ADCY5: variants seen among roughly 807,000 people sequenced by gnomAD.
ADCY5 encodes adenylate cyclase type 5.
A neutral mutation model predicts 119.7 loss-of-function variants in ADCY5; 30 were observed. That is an observed-to-expected ratio of 0.25 (90% CI 0.19 to 0.34). The LOEUF is 0.34. ADCY5 is among the 10% of genes least tolerant of loss of function. The pLI, the probability that ADCY5 is intolerant of heterozygous loss-of-function variation, is 1.00. For missense variants in ADCY5, 1,324 were observed against 1,775.2 expected (o/e 0.75, Z 4.57); for synonymous variants, 753 against 762.2 (o/e 0.99, Z 0.20).
At chr3:123,433,692 G>C (rs1945559971) in intron 1 of ADCY5, among the ~76,000 whole-genome samples, 1 of 152,070 alleles carries the variant, frequency 6.6e-6, no homozygotes, top group Non-Finnish European at 1.5e-5. Context: ...ACTCAACAGA[G>C]AGACCCCGGG....
chr3:123,425,870 C>T lies in ADCY5; in HGVS notation c.1134+21542G>A, dbSNP rs1945397016. 2.0e-5 allele frequency among the ~76,000 whole-genome samples: 3 copies of T among 152,210 alleles called. 1 individual carries two copies. In the South Asian group the frequency reaches 6.2e-4, roughly 32 times the overall value. On this transcript the variant is annotated intron_variant, in intron 1 of 20. Coordinates refer to ENST00000462833, the MANE Select transcript of ADCY5 (RefSeq NM_183357.3). ...GGCCAGGGGAGGGTAAAACCCATGA[C>T]CCAGGACCTAGCTCTTCTTCCACTT... is the stretch of plus-strand genomic sequence containing the variant.
intron 14 of ADCY5, among the ~76,000 whole-genome samples, chr3:123,301,264 G>C (rs1203108290): frequency 6.6e-6 from 1 of 152,146 alleles, no homozygotes; most frequent in Non-Finnish European, 1.5e-5. Flanking sequence ...TTCTGCCCTG[G>C]GCTGGGGCAG....
intron 1 of ADCY5, among the ~76,000 whole-genome samples, chr3:123,430,448 C>A (rs1945500579): frequency 2.6e-5 from 4 of 152,244 alleles, no homozygotes; most frequent in African/African-American, 9.6e-5. Context: ...GCACTGTCTG[C>A]CAGTGAAATC....
At chr3:123,384,550 C>A (rs1944153263) in intron 1 of ADCY5, among the ~76,000 whole-genome samples, 2 of 152,234 alleles carry the variant, frequency 1.3e-5, no homozygotes, top group South Asian at 2.1e-4. Flanking sequence ...GGAACTAGGA[C>A]TCAAAGCCAG....
chr3:123,351,368 C>T (rs1355774685), intron 2 of ADCY5, among the ~76,000 whole-genome samples: 1 of 152,342 alleles, frequency 6.6e-6, no homozygotes, highest in South Asian at 2.1e-4. Flanking sequence ...CAGCCTGGAG[C>T]CATGAGTGAC....
chr3:123,320,843 A>G, intron 8 of ADCY5, 72 bp from the exon 9 acceptor site: 1 of 1,132,964 alleles, frequency 8.8e-7, no homozygotes, highest in Non-Finnish European at 1.3e-6. Context: ...AGAGGCGTCT[A>G]GATGGCTGCA....
intron 1 of ADCY5, among the ~76,000 whole-genome samples, chr3:123,362,550 G>A (rs185958743): frequency 1.2e-4 from 18 of 152,210 alleles, no homozygotes; most frequent in Admixed American, 7.8e-4. Flanking sequence ...TTGCGCAACC[G>A]GAGAGAAATA....
chr3:123,397,393 T>C (rs1944631740), intron 1 of ADCY5, among the ~76,000 whole-genome samples: 1 of 152,234 alleles, frequency 6.6e-6, no homozygotes, highest in Non-Finnish European at 1.5e-5. Flanking sequence ...CCCAACACTT[T>C]GGGAGGCCGA....
At chr3:123,321,955 G>A (rs1941241520) in intron 8 of ADCY5, among the ~76,000 whole-genome samples, 1 of 152,220 alleles carries the variant, frequency 6.6e-6, no homozygotes, top group South Asian at 2.1e-4. Context: ...TGGCCTGGCA[G>A]TTGTCTGCCT....
intron 16 of ADCY5, 118 bp from the exon 17 acceptor site, chr3:123,296,334 T>G: frequency 8.5e-7 from 1 of 1,173,696 alleles, no homozygotes; most frequent in Non-Finnish European, 1.2e-6. Flanking sequence ...CCTTCCCCTC[T>G]TCCTTATCCC....
At chr3:123,381,278 C>T (rs1944021421) in intron 1 of ADCY5, among the ~76,000 whole-genome samples, 1 of 152,228 alleles carries the variant, frequency 6.6e-6, no homozygotes, top group East Asian at 1.9e-4. Flanking sequence ...AGGGCAGGAG[C>T]TTGGCATCTG....
intron 7 of ADCY5, 101 bp downstream of exon 7, chr3:123,327,517 C>A (rs1407650978): frequency 3.2e-6 from 4 of 1,267,640 alleles, no homozygotes; most frequent in South Asian, 1.6e-5. Context: ...ATAAGAAATT[C>A]ATGACTTCAC....
At chr3:123,362,787 C>A (rs1050019287) in intron 1 of ADCY5, among the ~76,000 whole-genome samples, 14 of 152,162 alleles carry the variant, frequency 9.2e-5, no homozygotes, top group Admixed American at 9.2e-4. Context: ...AAAGAATATG[C>A]CAGAGGAAAT....
intron 2 of ADCY5, 27 bp from the exon 3 acceptor site, chr3:123,347,930 CACCACGCCT>C: frequency 6.2e-7 from 1 of 1,613,646 alleles, no homozygotes; most frequent in South Asian, 1.1e-5. Context: ...ATGCTTTCAT[CACCACGCCT>C]TCTACCTGCC....
intron 1 of ADCY5, among the ~76,000 whole-genome samples, chr3:123,355,170 C>T (rs1011126618): frequency 6.6e-6 from 1 of 152,122 alleles, no homozygotes; most frequent in African/African-American, 2.4e-5. Flanking sequence ...AAAACTGTCT[C>T]TATTTGCAGA....
chr3:123,396,045 G>GGAGA (rs1559859620), intron 1 of ADCY5, among the ~76,000 whole-genome samples: 15 of 71,022 alleles, frequency 2.1e-4, no homozygotes, highest in African/African-American at 8.5e-4. Context: ...AGGGAGGGAG[G>GGAGA]GAGAGAGGGA....
At chr3:123,398,641 C>T (rs6771700) in intron 1 of ADCY5, among the ~76,000 whole-genome samples, 31,178 of 152,084 alleles carry the variant, frequency 0.21, 3,916 homozygotes, top group Middle Eastern at 0.35. Context: ...TCTACCCCTA[C>T]ACACACACTC....
chr3:123,320,915 T>TTTCC (rs977723103), intron 8 of ADCY5, 144 bp from the exon 9 acceptor site: 4 of 658,298 alleles, frequency 6.1e-6, no homozygotes, highest in African/African-American at 3.6e-5. Context: ...CAGCAGCTCC[T>TTTCC]TTCCTTCCTT....
chr3:123,373,685 C>T (rs932551989), intron 1 of ADCY5, among the ~76,000 whole-genome samples: 2 of 151,350 alleles, frequency 1.3e-5, no homozygotes, highest in African/African-American at 2.4e-5. Flanking sequence ...CCAGCACTCA[C>T]GAGGCTGGGC....
Sources: gnomAD v4.1 joint callset for allele counts (sites outside exome capture counted in the v4.1 genomes callset) on GRCh38, gnomAD v4.1.1 for gene constraint, MANE v1.5 for transcripts, NCBI Gene and HGNC (gene_info 2026-07-23, HGNC 2026-07-21) for gene names.